GNB1: variants seen among roughly 807,000 people sequenced by gnomAD.
The protein encoded by GNB1 is G protein subunit beta 1, also known as guanine nucleotide-binding protein G(I)/G(S)/G(T) subunit beta-1.
Under a neutral mutation model 42.9 loss-of-function variants are expected in GNB1, and 2 were observed. The ratio of observed to expected loss-of-function variants is 0.05; its 90% CI spans 0.02 to 0.15. GNB1 has a LOEUF of 0.15. Ranked by LOEUF, GNB1 falls within the 10% of genes least tolerant of loss-of-function variation. The pLI is 1.00. For synonymous variants in GNB1, 183 were observed against 174.7 expected, an observed-to-expected ratio of 1.05 and a Z score of -0.38; for missense variants, 193 against 462.2, an observed-to-expected ratio of 0.42 and a Z score of 5.34.
chr1:1,834,667 C>CT (rs746491020), intron 2 of GNB1, among the ~76,000 whole-genome samples: 50,108 of 126,320 alleles, frequency 0.4, 11,476 homozygotes, highest in Admixed American at 0.52. Context: ...ACTCCAAGCA[C>CT]TTTTTTTTTT....
Position 1,787,299 on chromosome 1 carries a change from G to A in GNB1, c.*9+23C>T, listed in dbSNP as rs1174367549. ...AACACGCACAGTTCTCCTCAGAGAA[G>A]GGCATTTGGGCTGCTGCATTACCTA... On this transcript the variant is annotated intron_variant, in intron 11 of 11. Coordinates refer to ENST00000378609, the MANE Select transcript of GNB1 (RefSeq NM_002074.5). This position sits in a 1 kb window ranked among gnomAD's most constrained non-coding sequence, Gnocchi z 4.4. 8.6e-7 allele frequency: 1 copy of A among 1,164,236 alleles called. No homozygotes were observed. The highest frequency in any genetic ancestry group is 1.7e-5 in the Admixed American group (1 of 57,818). 72.1% of individuals were successfully genotyped at this position (1,164,236 alleles called of 1,614,324 possible).
intron 5 of GNB1, among the ~76,000 whole-genome samples, chr1:1,812,638 C>T (rs948466977): frequency 6.6e-6 from 1 of 152,184 alleles, no homozygotes; most frequent in African/African-American, 2.4e-5. Context: ...CAATGTGGCA[C>T]CCCAGCCTCC....
intron 1 of GNB1, among the ~76,000 whole-genome samples, chr1:1,857,690 G>A (rs1212175813): frequency 6.6e-6 from 1 of 152,162 alleles, no homozygotes; most frequent in Non-Finnish European, 1.5e-5. Flanking sequence ...CCATATCTGA[G>A]AAGGACATGC....
chr1:1,853,463 G>T (rs1394323862), intron 1 of GNB1, among the ~76,000 whole-genome samples: 2 of 152,076 alleles, frequency 1.3e-5, no homozygotes, highest in East Asian at 3.9e-4. Context: ...CTGACCACTA[G>T]TCTCTTAAAG....
chr1:1,863,884 G>GTGT (rs963323299), intron 1 of GNB1, among the ~76,000 whole-genome samples: 75 of 152,296 alleles, frequency 4.9e-4, no homozygotes, highest in African/African-American at 1.8e-3. Context: ...GTGGGAGGTG[G>GTGT]TGTTGCACAG....
rs375890773 is a variant in GNB1, at chr1:1,826,005, C to T, written c.-46-506G>A. 4.6e-5 allele frequency among the ~76,000 whole-genome samples: 7 copies of T among 152,084 alleles called. No individual in the cohort carries two copies. In the South Asian group the frequency reaches 1.0e-3, roughly 22 times the overall value. On this transcript the variant is annotated intron_variant, in intron 2 of 11. Coordinates refer to ENST00000378609, the MANE Select transcript of GNB1 (RefSeq NM_002074.5). ...TAATTATGATTATTTATTGGCTTTG[C>T]ATAATATTACAATGTCTAAAATACT...
intron 1 of GNB1, among the ~76,000 whole-genome samples, chr1:1,871,395 G>C (rs1230952899): frequency 6.6e-6 from 1 of 152,048 alleles, no homozygotes; most frequent in African/African-American, 2.4e-5. Flanking sequence ...AGGAGGCGGA[G>C]GTTGCAGTGA....
chr1:1,845,581 T>C (rs899396173), intron 1 of GNB1, among the ~76,000 whole-genome samples: 2 of 151,552 alleles, frequency 1.3e-5, no homozygotes, highest in African/African-American at 4.8e-5. Context: ...TCAAAAAAAA[T>C]AATAATAAAA....
intron 1 of GNB1, among the ~76,000 whole-genome samples, chr1:1,855,607 G>A (rs181096939): frequency 1.3e-5 from 2 of 151,876 alleles, no homozygotes; most frequent in Admixed American, 6.6e-5. Context: ...AGGCTGAGGC[G>A]GGAGAATGGC....
chr1:1,828,234 T>C (rs1053871495), intron 2 of GNB1, among the ~76,000 whole-genome samples: 1 of 152,070 alleles, frequency 6.6e-6, no homozygotes, highest in Admixed American at 6.6e-5. Context: ...GGCAGGAGAA[T>C]CGCTTGAACC....
chr1:1,859,982 A>T (rs1022568896), intron 1 of GNB1, among the ~76,000 whole-genome samples: 1 of 152,214 alleles, frequency 6.6e-6, no homozygotes, highest in Non-Finnish European at 1.5e-5. Flanking sequence ...GGTACAGCAC[A>T]CCAACATGGC....
At chr1:1,814,272 T>C (rs1646820456) in intron 5 of GNB1, among the ~76,000 whole-genome samples, 1 of 152,042 alleles carries the variant, frequency 6.6e-6, no homozygotes, top group Admixed American at 6.6e-5. Flanking sequence ...TAGCAGAAAA[T>C]TCCACGCTAA....
chr1:1,790,648 CTA>C lies in GNB1; in HGVS notation c.498-54_498-53del. On this transcript the variant is annotated intron_variant, in intron 8 of 11. Coordinates refer to ENST00000378609, the MANE Select transcript of GNB1 (RefSeq NM_002074.5). This position sits in a 1 kb window ranked among gnomAD's most constrained non-coding sequence, Gnocchi z 5.4. ...ACATCAGCCTTAACTTCTTGGGTGG[CTA>C]GTCATGTGACAGACAATCTGTCCTT... The C allele has an allele frequency of 1.6e-6, 2 of 1,281,718 alleles. No homozygotes were observed. The highest frequency in any genetic ancestry group is 1.8e-5 in the Admixed American group (1 of 56,204). The allele number at this position is 1,281,718 out of a possible 1,614,324, so 79.4% of individuals were successfully genotyped here.
chr1:1,886,093 C>T (rs1057367152), intron 1 of GNB1, among the ~76,000 whole-genome samples: 27 of 151,680 alleles, frequency 1.8e-4, no homozygotes, highest in African/African-American at 6.5e-4. Flanking sequence ...AGGCAGATCA[C>T]CGGAGGTCAG....
chr1:1,808,190 G>C (rs1157392726), intron 5 of GNB1, among the ~76,000 whole-genome samples: 2 of 151,888 alleles, frequency 1.3e-5, no homozygotes, highest in African/African-American at 4.8e-5. Flanking sequence ...TTTTAGTAGA[G>C]ACGGGGTTTC....
intron 1 of GNB1, among the ~76,000 whole-genome samples, chr1:1,848,666 A>T (rs1012581253): frequency 6.6e-6 from 1 of 152,208 alleles, no homozygotes; most frequent in African/African-American, 2.4e-5. Flanking sequence ...TAAAACATAA[A>T]AACTGTCTTT....
intron 3 of GNB1, among the ~76,000 whole-genome samples, chr1:1,819,610 C>G (rs1294373329): frequency 1.3e-5 from 2 of 152,156 alleles, no homozygotes; most frequent in African/African-American, 4.8e-5. Context: ...GTCATCACAG[C>G]TCACTGCAGC....
chr1:1,861,269 C>T (rs569462426), intron 1 of GNB1, among the ~76,000 whole-genome samples: 1 of 151,956 alleles, frequency 6.6e-6, no homozygotes, highest in Non-Finnish European at 1.5e-5. Flanking sequence ...CCAGTCTGGG[C>T]AACATAAAGA....
At chr1:1,878,141 C>T (rs1469709608) in intron 1 of GNB1, among the ~76,000 whole-genome samples, 1 of 152,200 alleles carries the variant, frequency 6.6e-6, no homozygotes, top group East Asian at 1.9e-4. Flanking sequence ...CCTATCAGAG[C>T]TGATGTGAGG....
Sources: allele counts gnomAD v4.1 joint callset (sites outside exome capture counted in the v4.1 genomes callset), GRCh38; gene constraint gnomAD v4.1.1; non-coding constraint Gnocchi (gnomAD v3.1); transcripts MANE v1.5; gene names NCBI Gene and HGNC (gene_info 2026-07-23, HGNC 2026-07-21).